The following IL1RAPL2 variants were observed in gnomAD, a reference collection of about 807,000 sequenced individuals.
IL1RAPL2 encodes the protein interleukin 1 receptor accessory protein like 2.
Under a neutral mutation model 44.1 loss-of-function variants are expected in IL1RAPL2, and 3 were observed. The ratio of observed to expected loss-of-function variants is 0.07; its 90% CI spans 0.03 to 0.18. The LOEUF (loss-of-function observed/expected upper bound fraction) is 0.18, where lower values mean the gene tolerates loss of function less well. Ranked by LOEUF, IL1RAPL2 falls within the 10% of genes least tolerant of loss-of-function variation. IL1RAPL2 has a pLI of 1.00. For synonymous variants in IL1RAPL2, 181 were observed against 178.8 expected, an observed-to-expected ratio of 1.01 and a Z score of -0.10; for missense variants, 391 against 496.4, an observed-to-expected ratio of 0.79 and a Z score of 2.02.
chrX:105,074,521 C>T lies in IL1RAPL2; in HGVS notation c.83-120954C>T, dbSNP rs756431059. 1.2e-4 allele frequency among the ~76,000 whole-genome samples: 13 copies of T among 110,523 alleles called. 1 individual carries two copies. The South Asian group carries it at 5.2e-3, about 44-fold the overall frequency. On this transcript the variant is annotated intron_variant, in intron 2 of 10. Transcript: ENST00000372582. ...TTGGCTTAGGATTGACTTGGCAATG[C>T]TGGCTCTTTTTTGGTTCCATATGAA...
intron 2 of IL1RAPL2, among the ~76,000 whole-genome samples, chrX:104,836,938 T>G (rs976383163): frequency 1.2e-4 from 13 of 110,848 alleles, no homozygotes; most frequent in African/African-American, 4.3e-4. Flanking sequence ...CCCCTCCCTG[T>G]GTCCATGTGT....
At chrX:104,786,255 G>A (rs143116154) in intron 2 of IL1RAPL2, among the ~76,000 whole-genome samples, 5 of 111,275 alleles carry the variant, frequency 4.5e-5, no homozygotes, top group East Asian at 2.8e-4. Flanking sequence ...TGGCATCCCC[G>A]GATTTTGGCC....
At chrX:105,485,563 T>C (rs2036260339) in intron 6 of IL1RAPL2, among the ~76,000 whole-genome samples, 1 of 111,590 alleles carries the variant, frequency 9.0e-6, no homozygotes, top group African/African-American at 3.3e-5. Context: ...TGATTCTAAC[T>C]ATATTTGCAT....
chrX:104,950,933 C>G (rs975692913), intron 2 of IL1RAPL2, among the ~76,000 whole-genome samples: 1 of 111,321 alleles, frequency 9.0e-6, no homozygotes, highest in Non-Finnish European at 1.9e-5. Flanking sequence ...TGGGAGTGAC[C>G]TGATTTTCCA....
At chrX:105,704,266 T>C (rs1269897512) in intron 6 of IL1RAPL2, among the ~76,000 whole-genome samples, 1 of 112,021 alleles carries the variant, frequency 8.9e-6, no homozygotes, top group African/African-American at 3.2e-5. Flanking sequence ...ATCAAATATA[T>C]ATTTAAAACA....
At chrX:104,962,916 T>C (rs1247614717) in intron 2 of IL1RAPL2, among the ~76,000 whole-genome samples, 2 of 111,994 alleles carry the variant, frequency 1.8e-5, no homozygotes, top group East Asian at 5.6e-4. Context: ...TCTCATTTTT[T>C]TCTGTCTGGT....
At chrX:105,357,096 T>G (rs193061584) in intron 5 of IL1RAPL2, among the ~76,000 whole-genome samples, 1 of 111,642 alleles carries the variant, frequency 9.0e-6, no homozygotes, top group East Asian at 2.8e-4. Flanking sequence ...AACCACAGTT[T>G]TAAGAGCCAA....
chrX:105,293,258 C>T (rs1015758953), intron 5 of IL1RAPL2, among the ~76,000 whole-genome samples: 2 of 111,639 alleles, frequency 1.8e-5, no homozygotes, highest in Non-Finnish European at 3.8e-5. Context: ...TTTTTATACA[C>T]ATAGGCAGTG....
At chrX:104,636,721 A>T (rs1018122894) in intron 1 of IL1RAPL2, among the ~76,000 whole-genome samples, 17 of 111,860 alleles carry the variant, frequency 1.5e-4, no homozygotes, top group African/African-American at 5.5e-4. Flanking sequence ...TAGTGACCCG[A>T]TTTTCCAGGT....
chrX:104,946,448 G>A (rs1298829843), intron 2 of IL1RAPL2, among the ~76,000 whole-genome samples: 2 of 87,401 alleles, frequency 2.3e-5, no homozygotes, highest in Non-Finnish European at 4.3e-5. Flanking sequence ...AAGTTTTAGG[G>A]TACATGTGCA....
chrX:104,749,772 G>A (rs1269773945), intron 2 of IL1RAPL2, among the ~76,000 whole-genome samples: 2 of 111,707 alleles, frequency 1.8e-5, no homozygotes, highest in Non-Finnish European at 3.8e-5. Context: ...CCTTTGATGA[G>A]CCTATTTATT....
At chrX:104,572,723 C>T (rs1287435507) in intron 1 of IL1RAPL2, among the ~76,000 whole-genome samples, 1 of 110,917 alleles carries the variant, frequency 9.0e-6, no homozygotes, top group Non-Finnish European at 1.9e-5. Flanking sequence ...GCCTCCCGCC[C>T]CCAGTAGCTG....
At chrX:105,643,960 C>T (rs1229704554) in intron 6 of IL1RAPL2, among the ~76,000 whole-genome samples, 1 of 111,464 alleles carries the variant, frequency 9.0e-6, no homozygotes, top group Non-Finnish European at 1.9e-5. Flanking sequence ...GGCACGATCT[C>T]GGCTCACTGC....
At chrX:104,929,076 T>C (rs1055893267) in intron 2 of IL1RAPL2, among the ~76,000 whole-genome samples, 10 of 111,606 alleles carry the variant, frequency 9.0e-5, no homozygotes, top group African/African-American at 3.3e-4. Flanking sequence ...AGTTGACTTG[T>C]ATGCAAAATC....
At chrX:105,015,364 T>C (rs2031152812) in intron 2 of IL1RAPL2, among the ~76,000 whole-genome samples, 1 of 111,538 alleles carries the variant, frequency 9.0e-6, no homozygotes, top group Admixed American at 9.6e-5. Flanking sequence ...CTGCTTTCGG[T>C]GTTTTAGTCA....
At chrX:104,600,691 C>T (rs994016266) in intron 1 of IL1RAPL2, among the ~76,000 whole-genome samples, 2 of 110,546 alleles carry the variant, frequency 1.8e-5, no homozygotes, top group African/African-American at 6.6e-5. Context: ...CTAGTAGTCC[C>T]CAGTGTCTAT....
chrX:105,031,098 A>C (rs1440728873), intron 2 of IL1RAPL2, among the ~76,000 whole-genome samples: 2 of 110,342 alleles, frequency 1.8e-5, no homozygotes, highest in East Asian at 2.9e-4. Context: ...GATTTTATAT[A>C]CTGAGACTTT....
At chrX:105,593,296 T>A (rs774017358) in intron 6 of IL1RAPL2, among the ~76,000 whole-genome samples, 120 of 112,239 alleles carry the variant, frequency 1.1e-3, no homozygotes, top group African/African-American at 3.8e-3. Flanking sequence ...GGTTCTTTTT[T>A]AAAATGGCTA....
intron 5 of IL1RAPL2, among the ~76,000 whole-genome samples, chrX:105,347,407 G>C (rs1328910672): frequency 9.0e-6 from 1 of 111,601 alleles, no homozygotes; most frequent in Non-Finnish European, 1.9e-5. Flanking sequence ...TACCCTTGAG[G>C]ATTATTTTTT....
Sources: gnomAD v4.1 joint callset for allele counts (sites outside exome capture counted in the v4.1 genomes callset) on GRCh38, gnomAD v4.1.1 for gene constraint, MANE v1.5 for transcripts, NCBI Gene and HGNC (gene_info 2026-07-23, HGNC 2026-07-21) for gene names.